COBLL1: variants seen among roughly 807,000 people sequenced by gnomAD.
The protein encoded by COBLL1 is cordon-bleu protein-like 1.
Under a neutral mutation model 94.8 loss-of-function variants are expected in COBLL1, and 50 were observed. The ratio of observed to expected loss-of-function variants is 0.53; its 90% CI spans 0.42 to 0.67. The LOEUF (loss-of-function observed/expected upper bound fraction) is 0.67, where lower values mean the gene tolerates loss of function less well. Ranked by LOEUF, COBLL1 falls within the 30% of genes least tolerant of loss-of-function variation. The pLI, the probability that COBLL1 is intolerant of heterozygous loss-of-function variation, is 0.00. For missense variants in COBLL1, 1,362 were observed against 1,348.7 expected (o/e 1.01, Z -0.15); for synonymous variants, 448 against 473.8 (o/e 0.95, Z 0.71).
At position 164,695,248 on chromosome 2, in the gene COBLL1, G is replaced by A; in HGVS notation, c.2144C>T (p.Pro715Leu). Reference sequence around the variant, plus strand: ...TCGTGTAATTTCATTTGAAGGTTTTGGCTTGGGATTGTAGTCCTGTCTATA... The same window carrying A: ...TCGTGTAATTTCATTTGAAGGTTTTAGCTTGGGATTGTAGTCCTGTCTATA... ...PLYRQDYNPK[P>L]KPSNEITREY... Residue 715 changes from proline (P) to leucine (L), a missense_variant, in exon 12 of 14, where the codon CCA (proline) becomes CTA (leucine). Physicochemically the swap from Pro to Leu is moderately conservative, Grantham distance 98. Coordinates refer to ENST00000652658, the MANE Select transcript of COBLL1 (RefSeq NM_001365672.2). 1 of 1,613,846 alleles carries A rather than the reference G, an allele frequency of 6.2e-7. No homozygotes were observed. The highest frequency in any genetic ancestry group is 8.5e-7 in the Non-Finnish European group (1 of 1,179,930).
chr2:164,729,841 A>G, intron 4 of COBLL1, 73 bp downstream of exon 4: 7 of 1,336,682 alleles, frequency 5.2e-6, no homozygotes, highest in Non-Finnish European at 5.3e-6. Flanking sequence ...AGTAAAGTCC[A>G]TTTTTATTTC....
At position 164,805,331 on chromosome 2, in the gene COBLL1, C is replaced by CTATATA. The variant is rs1287905601; in HGVS notation, c.41+35824_41+35825insTATATA. On this transcript the variant is annotated intron_variant, in intron 2 of 13. Coordinates refer to ENST00000652658, the MANE Select transcript of COBLL1 (RefSeq NM_001365672.2). ...TCTCTCTCTCTCTCTCTCTCTCTCT[C>CTATATA]TCTCTCTATATATATATATATATAT... 6.9e-3 allele frequency among the ~76,000 whole-genome samples: 147 copies of CTATATA among 21,244 alleles called. 1 individual carries two copies. The highest frequency in any genetic ancestry group is 8.4e-3 in the East Asian group (8 of 950). 13.9% of individuals were successfully genotyped at this position (21,244 alleles called of 152,430 possible).
intron 2 of COBLL1, among the ~76,000 whole-genome samples, chr2:164,826,170 C>T (rs1003818603): frequency 1.3e-5 from 2 of 152,086 alleles, no homozygotes; most frequent in Admixed American, 6.5e-5. Context: ...AATGGTGAAG[C>T]GAGGAAGTTA....
intron 2 of COBLL1, among the ~76,000 whole-genome samples, chr2:164,793,856 C>T (rs971014405): frequency 2.0e-5 from 3 of 152,094 alleles, no homozygotes; most frequent in Admixed American, 6.5e-5. Flanking sequence ...TAAACTGTGA[C>T]GGAGTATGGA....
rs774673284 is a variant in COBLL1, at chr2:164,705,011, G to T, written c.1091C>A (p.Ala364Glu). Residue 364 changes from alanine (A) to glutamate (E), a missense_variant, in exon 8 of 14, where the codon GCA becomes GAA. By Grantham distance (107) the Ala-to-Glu change is moderately radical. Coordinates refer to ENST00000652658, the MANE Select transcript of COBLL1 (RefSeq NM_001365672.2). ...NSSLRRTKRK[A>E]PSPPSKIPPH... ...GGGTATTTTGGAGGGTGGGGAAGGT[G>T]CTTTTCGCTTTGTCCTTCTCAAAGA... 2 of 1,605,202 alleles carry T rather than the reference G, an allele frequency of 1.2e-6. No homozygotes were observed. Among genetic ancestry groups the T allele is most frequent in the South Asian group, 2.2e-5 (2 of 89,400 alleles).
chr2:164,666,482 C>T (rs995658590), intron 1 of COBLL1, among the ~76,000 whole-genome samples: 2 of 152,142 alleles, frequency 1.3e-5, no homozygotes, highest in African/African-American at 2.4e-5. Flanking sequence ...TTGCTGGAGG[C>T]TGAGGTGGTT....
Position 164,841,564 on chromosome 2 carries a change from G to A in COBLL1, c.-51+146C>T, listed in dbSNP as rs1683624121. The A allele has an allele frequency of 1.5e-6, 1 of 672,570 alleles. No individual in the cohort carries two copies. The highest frequency in any genetic ancestry group is 2.0e-6 in the Non-Finnish European group (1 of 511,468). The allele number at this position is 672,570 out of a possible 1,614,324, so 41.7% of individuals were successfully genotyped here. On this transcript the variant is annotated intron_variant, in intron 1 of 13. Transcript: ENST00000652658. The surrounding 1 kb of genome is among the most constrained non-coding windows in gnomAD (Gnocchi z 5.5). Reference sequence around the variant, plus strand: ...GGGCTGGAAAAGGAGGAGGAGCGGGGCCGGGCGCACGGGCACCGCTGCCAC... The same window carrying A: ...GGGCTGGAAAAGGAGGAGGAGCGGGACCGGGCGCACGGGCACCGCTGCCAC...
At chr2:164,689,956 C>A (rs1464661091) in intron 13 of COBLL1, among the ~76,000 whole-genome samples, 1 of 152,070 alleles carries the variant, frequency 6.6e-6, no homozygotes, top group East Asian at 1.9e-4. Flanking sequence ...GTTTTGTATG[C>A]TGTCAAACTT....
rs573384598 is a variant in COBLL1, at chr2:164,789,193, A to C, written c.42-45318T>G. Among the ~76,000 whole-genome samples, 24 of 152,236 alleles carry C rather than the reference A, an allele frequency of 1.6e-4. No homozygotes were observed. In the South Asian group the frequency reaches 5.0e-3, roughly 32 times the overall value. On this transcript the variant is annotated intron_variant, in intron 2 of 13. Transcript: ENST00000652658. ...CAAAAAACAAGCAAGATCTTGTCTC[A>C]AAACAAAACAAAAACACATTAAGAT...
intron 3 of COBLL1, 31 bp downstream of exon 3, chr2:164,743,656 A>AG: frequency 1.3e-6 from 2 of 1,532,678 alleles, no homozygotes; most frequent in African/African-American, 2.7e-5. Flanking sequence ...TAAGAAGGGG[A>AG]GGTCCTGATA....
intron 5 of COBLL1, chr2:164,727,178 GA>G: frequency 8.0e-7 from 1 of 1,256,698 alleles, no homozygotes; most frequent in South Asian, 1.5e-5. Flanking sequence ...AGGGTAAATT[GA>G]CTGTGAAGAT....
intron 3 of COBLL1, among the ~76,000 whole-genome samples, chr2:164,741,084 T>C (rs141124877): frequency 0.015 from 2,270 of 152,118 alleles, 53 homozygotes; most frequent in African/African-American, 0.052. Context: ...GAGACCAGCC[T>C]GGCCAATATG....
chr2:164,674,071 G>A (rs1691295733), intron 1 of COBLL1, among the ~76,000 whole-genome samples: 1 of 151,878 alleles, frequency 6.6e-6, no homozygotes, highest in East Asian at 1.9e-4. Flanking sequence ...TGTTGTTGTT[G>A]TTTGTTTTCA....
At chr2:164,772,856 A>C (rs947088104) in intron 2 of COBLL1, among the ~76,000 whole-genome samples, 1 of 152,092 alleles carries the variant, frequency 6.6e-6, no homozygotes, top group Non-Finnish European at 1.5e-5. Flanking sequence ...AAAGTACAGT[A>C]CTGTAAGCAA....
chr2:164,778,771 T>C (rs995466281), intron 2 of COBLL1, among the ~76,000 whole-genome samples: 1 of 152,098 alleles, frequency 6.6e-6, no homozygotes, highest in Non-Finnish European at 1.5e-5. Flanking sequence ...ACCAATTAAA[T>C]GATCAATAAT....
At chr2:164,736,035 A>G (rs1174623223) in intron 3 of COBLL1, among the ~76,000 whole-genome samples, 2 of 152,178 alleles carry the variant, frequency 1.3e-5, no homozygotes, top group Admixed American at 6.5e-5. Context: ...AGATAATATA[A>G]TAATTTTCTA....
chr2:164,749,990 C>T (rs1162455266), intron 2 of COBLL1, among the ~76,000 whole-genome samples: 1 of 152,190 alleles, frequency 6.6e-6, no homozygotes, highest in Admixed American at 6.5e-5. Context: ...TCCTCAGTCT[C>T]CCCATCCTCA....
chr2:164,684,298 A>G lies in COBLL1; in HGVS notation c.*1648T>C, dbSNP rs1004976163. ...ATAAATTAAGCCTTTCTTATATATT[A>G]ATATATTGAAAACATCTTACATGTC... On this transcript the variant is annotated 3_prime_UTR_variant, in exon 14 of 14. Coordinates refer to ENST00000652658, the MANE Select transcript of COBLL1 (RefSeq NM_001365672.2). 2.6e-5 allele frequency: 4 copies of G among 152,128 alleles called. No individual in the cohort carries two copies. The highest frequency in any genetic ancestry group is 5.9e-5 in the Non-Finnish European group (4 of 68,008). The allele number at this position is 152,128 out of a possible 1,614,324, so 9.4% of individuals were successfully genotyped here.
chr2:164,777,331 TACACACACACAC>T (rs72061846), intron 2 of COBLL1, among the ~76,000 whole-genome samples: 5 of 149,072 alleles, frequency 3.4e-5, no homozygotes, highest in East Asian at 2.0e-4. Flanking sequence ...AATCATGAGT[TACACACACACAC>T]ACACACACAC....
Sources: gnomAD v4.1 joint callset for allele counts (sites outside exome capture counted in the v4.1 genomes callset) on GRCh38, gnomAD v4.1.1 for gene constraint, Gnocchi (gnomAD v3.1) non-coding constraint, MANE v1.5 for transcripts, NCBI Gene and HGNC (gene_info 2026-07-23, HGNC 2026-07-21) for gene names.